Variants in KIF26B observed in about 807,000 individuals in gnomAD.
The protein encoded by KIF26B is kinesin-like protein KIF26B.
Under a neutral mutation model 151.2 loss-of-function variants are expected in KIF26B, and 63 were observed. The observed-to-expected ratio is 0.42, with a 90% confidence interval of 0.34 to 0.51. KIF26B has a LOEUF of 0.51. Ranked by LOEUF, KIF26B falls within the 20% of genes least tolerant of loss-of-function variation. The probability of loss-of-function intolerance (pLI) is 0.07; values close to 1 mark genes in which losing one functional copy is unlikely to be tolerated. For missense variants in KIF26B, 2,813 were observed against 2,913.6 expected (o/e 0.97, Z 0.79); for synonymous variants, 1,357 against 1,262.1 (o/e 1.08, Z -1.59).
intron 2 of KIF26B, among the ~76,000 whole-genome samples, chr1:245,231,624 G>C (rs1047162124): frequency 3.9e-5 from 6 of 152,204 alleles, no homozygotes; most frequent in African/African-American, 1.4e-4. Flanking sequence ...GACCCAGCGT[G>C]ATTAAATTCT....
intron 4 of KIF26B, among the ~76,000 whole-genome samples, chr1:245,457,071 G>A (rs922863246): frequency 3.3e-5 from 5 of 152,178 alleles, no homozygotes; most frequent in Non-Finnish European, 7.3e-5. Context: ...TCACCACGTT[G>A]GCCAGGCTGG....
intron 5 of KIF26B, among the ~76,000 whole-genome samples, chr1:245,583,349 C>T (rs561399374): frequency 1.3e-5 from 2 of 152,142 alleles, no homozygotes; most frequent in Admixed American, 1.3e-4. Flanking sequence ...CACAGCCTTA[C>T]ACATTTGAAA....
chr1:245,284,814 G>A (rs1431272903), intron 2 of KIF26B, among the ~76,000 whole-genome samples: 2 of 152,096 alleles, frequency 1.3e-5, no homozygotes, highest in South Asian at 2.1e-4. Context: ...TGAGGCGGGC[G>A]GATCACCTGA....
chr1:245,547,676 C>A (rs2103107011), intron 5 of KIF26B, among the ~76,000 whole-genome samples: 1 of 151,168 alleles, frequency 6.6e-6, no homozygotes, highest in South Asian at 2.1e-4. Flanking sequence ...GTGTGGATAT[C>A]ATTTTCTGTT....
chr1:245,469,906 C>G (rs1659874205), intron 4 of KIF26B, among the ~76,000 whole-genome samples: 1 of 151,936 alleles, frequency 6.6e-6, no homozygotes, highest in Non-Finnish European at 1.5e-5. Context: ...GTGCAGAAAG[C>G]AGTCTATGGA....
Position 245,237,588 on chromosome 1 carries a change from T to C in KIF26B, c.465+80905T>C, listed in dbSNP as rs528076935. On this transcript the variant is annotated intron_variant, in intron 2 of 14. Coordinates refer to ENST00000407071, the MANE Select transcript of KIF26B (RefSeq NM_018012.4). ...CTATGAGCATCATGGCAAAAAAGCC[T>C]TTATGGGAGCTCCCAGTTTACTACT... is the stretch of plus-strand genomic sequence containing the variant. Among the ~76,000 whole-genome samples the C allele has an allele frequency of 6.4e-4, 98 of 152,270 alleles. 1 individual carries two copies. Among genetic ancestry groups the C allele is most frequent in the Admixed American group, 6.3e-3 (96 of 15,300 alleles).
In KIF26B at chr1:245,422,747, G is replaced by A. The variant is rs531022158; in HGVS notation, c.1166+3002G>A. Among the ~76,000 whole-genome samples the A allele has an allele frequency of 4.5e-4, 69 of 152,222 alleles. 1 individual carries two copies. The South Asian group carries it at 0.013, about 28-fold the overall frequency. ...TGGAGAGAGAGTCCTCTGAGTCTGC[G>A]GGGCCCTGGAACTCTCCTATAGCTC... On this transcript the variant is annotated intron_variant, in intron 4 of 14. Transcript: ENST00000407071.
intron 2 of KIF26B, among the ~76,000 whole-genome samples, chr1:245,338,269 A>G (rs532512711): frequency 1.1e-4 from 16 of 152,278 alleles, no homozygotes; most frequent in Non-Finnish European, 1.9e-4. Flanking sequence ...GAGGCAGAAA[A>G]CTGTGGTCAG....
chr1:245,658,580 C>T (rs568643113), intron 10 of KIF26B, among the ~76,000 whole-genome samples: 18 of 151,904 alleles, frequency 1.2e-4, no homozygotes, highest in African/African-American at 2.9e-4. Context: ...TTTGTAGAGA[C>T]GGGGTTTTAC....
intron 10 of KIF26B, among the ~76,000 whole-genome samples, chr1:245,654,425 T>G (rs1015051654): frequency 1.3e-5 from 2 of 152,060 alleles, no homozygotes; most frequent in Non-Finnish European, 2.9e-5. Flanking sequence ...CTAACCTCAG[T>G]AAATGGCTGT....
intron 2 of KIF26B, among the ~76,000 whole-genome samples, chr1:245,224,531 T>A (rs1174459308): frequency 2.0e-5 from 3 of 152,244 alleles, no homozygotes; most frequent in Admixed American, 6.5e-5. Context: ...GCTGACAGCA[T>A]TTGTTGCTAT....
chr1:245,172,100 T>C (rs1668721105), intron 2 of KIF26B, among the ~76,000 whole-genome samples: 1 of 152,068 alleles, frequency 6.6e-6, no homozygotes, highest in Non-Finnish European at 1.5e-5. Flanking sequence ...TATCCACTCA[T>C]CTACCTGTCC....
chr1:245,430,155 C>T (rs983427458), intron 4 of KIF26B, among the ~76,000 whole-genome samples: 7 of 151,766 alleles, frequency 4.6e-5, no homozygotes, highest in African/African-American at 1.7e-4. Context: ...GAACTGGGGG[C>T]TGAAGAGGGA....
rs1219756621 is a variant in KIF26B, at chr1:245,527,523, G to GTTTTTTTT, written c.1167-13244_1167-13243insTTTTTTTT. ...ATCATTTATATCTGGCTTTGGGATG[G>GTTTTTTTT]CTTTTTTTTTTTTTTTTTTTTTTTT... On this transcript the variant is annotated intron_variant, in intron 4 of 14. Coordinates refer to ENST00000407071, the MANE Select transcript of KIF26B (RefSeq NM_018012.4). Among the ~76,000 whole-genome samples, 14 of 40,512 alleles carry GTTTTTTTT rather than the reference G, an allele frequency of 3.5e-4. 1 individual carries two copies. The South Asian group carries it at 4.8e-3, about 14-fold the overall frequency. The allele number at this position is 40,512 out of a possible 152,430, so 26.6% of individuals were successfully genotyped here.
intron 10 of KIF26B, among the ~76,000 whole-genome samples, chr1:245,649,474 C>T (rs1008102030): frequency 1.3e-5 from 2 of 152,140 alleles, no homozygotes; most frequent in African/African-American, 2.4e-5. Context: ...TGATCAATTC[C>T]GTCAGTGCTC....
At chr1:245,287,939 T>C (rs1368855715) in intron 2 of KIF26B, among the ~76,000 whole-genome samples, 1 of 151,840 alleles carries the variant, frequency 6.6e-6, no homozygotes, top group African/African-American at 2.4e-5. Flanking sequence ...TGGGTTTTGA[T>C]AATTATCTTT....
At chr1:245,431,757 G>A (rs1318931716) in intron 4 of KIF26B, among the ~76,000 whole-genome samples, 4 of 152,200 alleles carry the variant, frequency 2.6e-5, no homozygotes, top group South Asian at 2.1e-4. Context: ...GATTACAGGC[G>A]TGAGCCACTG....
chr1:245,697,161 C>G (rs2044706118), intron 12 of KIF26B, among the ~76,000 whole-genome samples: 1 of 152,174 alleles, frequency 6.6e-6, no homozygotes, highest in Admixed American at 6.5e-5. Flanking sequence ...GCCCAGAGTT[C>G]ACTCCATAGA....
chr1:245,200,928 A>G (rs1464257235), intron 2 of KIF26B, among the ~76,000 whole-genome samples: 1 of 152,222 alleles, frequency 6.6e-6, no homozygotes, highest in African/African-American at 2.4e-5. Flanking sequence ...ACCCCTGTTG[A>G]TGCCTCTTTA....
Sources: gnomAD v4.1 joint callset for allele counts (sites outside exome capture counted in the v4.1 genomes callset) on GRCh38, gnomAD v4.1.1 for gene constraint, MANE v1.5 for transcripts, NCBI Gene and HGNC (gene_info 2026-07-23, HGNC 2026-07-21) for gene names.